PTCHD4: variants seen among roughly 807,000 people sequenced by gnomAD.
PTCHD4 encodes the protein patched domain-containing protein 4.
A neutral mutation model predicts 58.1 loss-of-function variants in PTCHD4; 33 were observed. The ratio of observed to expected loss-of-function variants is 0.57; its 90% CI spans 0.43 to 0.76. The LOEUF is 0.76. Ranked by LOEUF, PTCHD4 falls within the 30% of genes least tolerant of loss-of-function variation. The pLI is 0.00. For missense variants in PTCHD4, 1,058 were observed against 1,027.1 expected (o/e 1.03, Z -0.41); for synonymous variants, 478 against 409.6 (o/e 1.17, Z -2.02).
At chr6:48,077,966 AGCACAT>A (rs1447591614) in intron 1 of PTCHD4, among the ~76,000 whole-genome samples, 1 of 152,222 alleles carries the variant, frequency 6.6e-6, no homozygotes, top group Non-Finnish European at 1.5e-5. Context: ...ACACAAAGTG[AGCACAT>A]GCTGTTAAAA....
intron 4 of PTCHD4, among the ~76,000 whole-genome samples, chr6:47,930,206 AG>A (rs1206471391): frequency 6.6e-6 from 1 of 152,190 alleles, no homozygotes; most frequent in African/African-American, 2.4e-5. Context: ...GCTCTCTGAA[AG>A]GGTAAAAAAG....
intron 4 of PTCHD4, among the ~76,000 whole-genome samples, chr6:47,921,610 A>G (rs1765435591): frequency 6.6e-6 from 1 of 152,110 alleles, no homozygotes; most frequent in Admixed American, 6.6e-5. Context: ...AGACAGTGCC[A>G]TGAGCTCTTT....
intron 4 of PTCHD4, among the ~76,000 whole-genome samples, chr6:47,883,786 G>T (rs1369910248): frequency 6.6e-6 from 1 of 152,132 alleles, no homozygotes; most frequent in Non-Finnish European, 1.5e-5. Context: ...ACACCCCACA[G>T]TTATAACAAC....
At position 47,878,307 on chromosome 6, in the gene PTCHD4, A is replaced by G. The variant is rs766564974; in HGVS notation, c.2528T>C (p.Val843Ala). 6.3e-7 allele frequency: 1 copy of G among 1,587,262 alleles called. No homozygotes were observed. The highest frequency in any genetic ancestry group is 1.2e-5 in the South Asian group (1 of 85,566). Residue 843 changes from valine (V) to alanine (A), a missense_variant, in exon 5 of 5, where the codon GTA (valine) becomes GCA (alanine). Physicochemically the swap from Val to Ala is moderately conservative, Grantham distance 64. Coordinates refer to ENST00000339488, the MANE Select transcript of PTCHD4 (RefSeq NM_001384253.1). The stretch of plus-strand genomic sequence containing the variant: ...TAATCCACTGGTCTATACCCCTCAT[A>G]CTGTGGTGACGTGATCCGGGTTCTC... ...IQENPDHVTT[V>A]
At chr6:47,887,221 T>G in intron 4 of PTCHD4, among the ~76,000 whole-genome samples, 1 of 149,384 alleles carries the variant, frequency 6.7e-6, no homozygotes, top group East Asian at 1.9e-4. Context: ...TAATTTATAT[T>G]TAATATATTT....
intron 1 of PTCHD4, among the ~76,000 whole-genome samples, chr6:48,087,815 T>C (rs1765290846): frequency 6.6e-6 from 1 of 152,212 alleles, no homozygotes; most frequent in Non-Finnish European, 1.5e-5. Context: ...CTCTCAGTTT[T>C]GAGTTAGGCC....
At chr6:47,920,052 A>G (rs1765383417) in intron 4 of PTCHD4, among the ~76,000 whole-genome samples, 1 of 152,160 alleles carries the variant, frequency 6.6e-6, no homozygotes, top group Non-Finnish European at 1.5e-5. Context: ...TGTATGGAGC[A>G]GAGCCTCCCT....
chr6:47,941,952 G>T (rs986978803), intron 4 of PTCHD4, among the ~76,000 whole-genome samples: 1 of 152,172 alleles, frequency 6.6e-6, no homozygotes, highest in African/African-American at 2.4e-5. Flanking sequence ...CTAGAATGTG[G>T]ACATTTCTGA....
chr6:48,074,728 G>A (rs1251460366), intron 1 of PTCHD4, among the ~76,000 whole-genome samples: 1 of 152,172 alleles, frequency 6.6e-6, no homozygotes, highest in Non-Finnish European at 1.5e-5. Context: ...ATGATAAGAT[G>A]TTGGGGATGT....
intron 4 of PTCHD4, among the ~76,000 whole-genome samples, chr6:47,899,326 G>A (rs1366334794): frequency 6.6e-6 from 1 of 152,182 alleles, no homozygotes; most frequent in African/African-American, 2.4e-5. Flanking sequence ...TATCACAGGT[G>A]CTTAGGACAT....
Position 47,942,980 on chromosome 6 carries a change from C to A in PTCHD4, c.899-63044G>T, listed in dbSNP as rs148368487. Among the ~76,000 whole-genome samples the A allele has an allele frequency of 8.5e-3, 1,297 of 152,262 alleles. 7 individuals carry two copies. The highest frequency in any genetic ancestry group is 0.024 in the Middle Eastern group (7 of 294). On this transcript the variant is annotated intron_variant, in intron 4 of 4. Coordinates refer to ENST00000339488, the MANE Select transcript of PTCHD4 (RefSeq NM_001384253.1). ...TGTGGTCTGCAACAGCAGTTTGGAA[C>A]TTTCTTGTGGCATAACCCCTCCGTA... is the stretch of plus-strand genomic sequence containing the variant.
intron 3 of PTCHD4, among the ~76,000 whole-genome samples, chr6:48,043,707 G>C (rs1481542400): frequency 6.6e-6 from 1 of 151,786 alleles, no homozygotes; most frequent in Non-Finnish European, 1.5e-5. Flanking sequence ...CCAAAAATAG[G>C]TGCCAAGCTC....
intron 1 of PTCHD4, among the ~76,000 whole-genome samples, chr6:48,090,938 A>G (rs949673665): frequency 2.6e-5 from 4 of 152,224 alleles, no homozygotes; most frequent in Non-Finnish European, 5.9e-5. Flanking sequence ...CAAAGTTTTC[A>G]GTTTCACACT....
In PTCHD4 at chr6:48,106,219, C is replaced by T. The variant is rs191291656; in HGVS notation, c.-970+4830G>A. ...AATCCTCAATAAAATACTGGCAAAC[C>T]GCATCCAGCAACACATCAAAAAGCT... On this transcript the variant is annotated intron_variant, in intron 1 of 4. Transcript: ENST00000339488. Among the ~76,000 whole-genome samples the T allele has an allele frequency of 2.3e-3, 350 of 152,114 alleles. 6 individuals carry two copies. In the East Asian group the frequency reaches 0.057, roughly 25 times the overall value.
intron 4 of PTCHD4, among the ~76,000 whole-genome samples, chr6:47,935,281 C>A (rs549031395): frequency 6.6e-5 from 10 of 152,262 alleles, no homozygotes; most frequent in Admixed American, 6.5e-4. Context: ...TATGCTACCT[C>A]TTAATTTGTG....
chr6:47,896,514 A>T (rs1764535456), intron 4 of PTCHD4, among the ~76,000 whole-genome samples: 1 of 152,252 alleles, frequency 6.6e-6, no homozygotes, highest in African/African-American at 2.4e-5. Flanking sequence ...ATGTTACTAC[A>T]TGGAAATGTA....
chr6:47,969,500 T>C (rs9369757), intron 4 of PTCHD4, among the ~76,000 whole-genome samples: 33,718 of 152,164 alleles, frequency 0.22, 4,990 homozygotes, highest in East Asian at 0.64. Flanking sequence ...CTACCTATCA[T>C]ATATATGTTC....
intron 4 of PTCHD4, among the ~76,000 whole-genome samples, chr6:47,969,065 C>G (rs1270987255): frequency 1.3e-5 from 2 of 152,172 alleles, no homozygotes; most frequent in African/African-American, 2.4e-5. Flanking sequence ...TTGAATTCCA[C>G]TTGACATTGC....
At chr6:48,079,562 GA>G (rs1488994733) in intron 1 of PTCHD4, among the ~76,000 whole-genome samples, 1 of 150,994 alleles carries the variant, frequency 6.6e-6, no homozygotes, top group Non-Finnish European at 1.5e-5. Flanking sequence ...GGGCAGAGGA[GA>G]AAAAGGCAGT....
Sources: gnomAD v4.1 joint callset for allele counts (sites outside exome capture counted in the v4.1 genomes callset) on GRCh38, gnomAD v4.1.1 for gene constraint, MANE v1.5 for transcripts, NCBI Gene and HGNC (gene_info 2026-07-23, HGNC 2026-07-21) for gene names.